Variants in VPS13A observed in about 807,000 individuals in gnomAD.
VPS13A encodes the protein vacuolar protein sorting 13 homolog A, also known as intermembrane lipid transfer protein VPS13A.
In VPS13A, 264 loss-of-function variants were observed where a neutral mutation model predicts 390.9. The ratio of observed to expected loss-of-function variants is 0.68; its 90% CI spans 0.61 to 0.75. VPS13A has a LOEUF of 0.75. Ranked by LOEUF, VPS13A falls within the 30% of genes least tolerant of loss-of-function variation. VPS13A has a pLI of 0.00. For missense variants in VPS13A, 3,409 were observed against 3,733.9 expected (o/e 0.91, Z 2.27); for synonymous variants, 1,231 against 1,227.1 (o/e 1.00, Z -0.07).
At chr9:77,412,829 T>A (rs1835000130) in intron 71 of VPS13A, among the ~76,000 whole-genome samples, 1 of 152,200 alleles carries the variant, frequency 6.6e-6, no homozygotes, top group African/African-American at 2.4e-5. Context: ...GCAGATGACA[T>A]GATTGTATAT....
At position 77,416,141 on chromosome 9, in the gene VPS13A, A is replaced by C; in HGVS notation, c.*135A>C. The C allele has an allele frequency of 9.6e-7, 1 of 1,038,550 alleles. No homozygotes were observed. The highest frequency in any genetic ancestry group is 1.4e-6 in the Non-Finnish European group (1 of 696,722). The allele number at this position is 1,038,550 out of a possible 1,614,324, so 64.3% of individuals were successfully genotyped here. ...TTCTGGATGCTAAAAAACAAAAACA[A>C]ACAAAAAAACAAAAACAAAAAAACA... On this transcript the variant is annotated 3_prime_UTR_variant, in exon 72 of 72. Transcript: ENST00000360280.
intron 19 of VPS13A, among the ~76,000 whole-genome samples, chr9:77,246,144 G>C (rs1197988035): frequency 2.0e-5 from 3 of 151,998 alleles, no homozygotes; most frequent in Admixed American, 6.6e-5. Context: ...GAGTTTTGGA[G>C]GGCTAAAATC....
intron 17 of VPS13A, among the ~76,000 whole-genome samples, chr9:77,236,594 T>A (rs552357572): frequency 5.9e-5 from 9 of 152,322 alleles, no homozygotes; most frequent in African/African-American, 2.2e-4. Context: ...ATAGCCTTAT[T>A]TGGAAATAGC....
At chr9:77,359,678 C>T (rs933991241) in intron 58 of VPS13A, among the ~76,000 whole-genome samples, 2 of 151,892 alleles carry the variant, frequency 1.3e-5, no homozygotes, top group African/African-American at 2.4e-5. Flanking sequence ...ATTAGCCAGG[C>T]GTGGTGGCAC....
At chr9:77,313,906 A>C in intron 35 of VPS13A, 86 bp from the exon 36 acceptor site, 5 of 1,382,606 alleles carry the variant, frequency 3.6e-6, no homozygotes, top group Non-Finnish European at 5.0e-6. Flanking sequence ...CCTGTTTAAT[A>C]ATTCTATTAA....
At chr9:77,295,055 T>G (rs1827899355) in intron 32 of VPS13A, among the ~76,000 whole-genome samples, 1 of 152,114 alleles carries the variant, frequency 6.6e-6, no homozygotes, top group Non-Finnish European at 1.5e-5. Flanking sequence ...TGTTAATTTT[T>G]TCTTTGAACA....
chr9:77,198,843 AGT>A (rs1271273440), intron 1 of VPS13A, among the ~76,000 whole-genome samples: 4 of 151,998 alleles, frequency 2.6e-5, no homozygotes, highest in Admixed American at 2.6e-4. Flanking sequence ...TTGTACTTTT[AGT>A]AGAGATGGGA....
intron 23 of VPS13A, among the ~76,000 whole-genome samples, chr9:77,268,105 A>G (rs562437288): frequency 2.4e-4 from 37 of 152,304 alleles, no homozygotes; most frequent in African/African-American, 8.9e-4. Flanking sequence ...GCTCCATGGG[A>G]GTGGGATCCG....
intron 71 of VPS13A, among the ~76,000 whole-genome samples, chr9:77,412,040 G>C (rs568047596): frequency 7.2e-5 from 11 of 152,194 alleles, no homozygotes; most frequent in East Asian, 5.8e-4. Context: ...CAAGACTAAA[G>C]CAGGAAGAAG....
intron 67 of VPS13A, 80 bp from the exon 68 acceptor site, chr9:77,381,896 T>C (rs1175277229): frequency 1.1e-6 from 1 of 883,486 alleles, no homozygotes; most frequent in Non-Finnish European, 1.8e-6. Flanking sequence ...AATAAGATTG[T>C]TTTTAGTAAT....
intron 54 of VPS13A, among the ~76,000 whole-genome samples, chr9:77,355,824 C>G (rs1333512709): frequency 6.6e-6 from 1 of 152,154 alleles, no homozygotes. Context: ...TCAAAGTGCA[C>G]ATAGATCTGA....
intron 23 of VPS13A, among the ~76,000 whole-genome samples, chr9:77,260,828 CT>C (rs1825718670): frequency 6.6e-6 from 1 of 151,936 alleles, no homozygotes; most frequent in Non-Finnish European, 1.5e-5. Context: ...GTGGCATATA[CT>C]AGTACACACA....
chr9:77,191,451 A>G (rs1010864536), intron 1 of VPS13A, among the ~76,000 whole-genome samples: 1 of 151,732 alleles, frequency 6.6e-6, no homozygotes, highest in Non-Finnish European at 1.5e-5. Flanking sequence ...GTGCACTCCT[A>G]CACCTGGCTA....
At chr9:77,409,402 C>G (rs990887114) in intron 71 of VPS13A, among the ~76,000 whole-genome samples, 1 of 152,174 alleles carries the variant, frequency 6.6e-6, no homozygotes, top group East Asian at 1.9e-4. Flanking sequence ...CTCTCCTCCT[C>G]CAAAGGAACG....
At chr9:77,264,788 T>C (rs1262818084) in intron 23 of VPS13A, among the ~76,000 whole-genome samples, 2 of 152,210 alleles carry the variant, frequency 1.3e-5, no homozygotes, top group Non-Finnish European at 2.9e-5. Flanking sequence ...TACCCTTTAT[T>C]TCTTTCTCTT....
intron 34 of VPS13A, among the ~76,000 whole-genome samples, chr9:77,305,078 A>G (rs1413629703): frequency 4.6e-5 from 7 of 152,026 alleles, no homozygotes; most frequent in African/African-American, 1.4e-4. Context: ...AGCTGGGACT[A>G]CAGGCATCCG....
At chr9:77,221,767 A>G (rs1002494640) in intron 13 of VPS13A, among the ~76,000 whole-genome samples, 1 of 152,070 alleles carries the variant, frequency 6.6e-6, no homozygotes, top group African/African-American at 2.4e-5. Context: ...TGTATATTTA[A>G]TGCTCATTCT....
intron 34 of VPS13A, 111 bp downstream of exon 34, chr9:77,303,173 A>T: frequency 8.8e-7 from 1 of 1,138,322 alleles, no homozygotes; most frequent in East Asian, 2.4e-5. Context: ...CACCTTGGTC[A>T]GAATTGAAAT....
intron 27 of VPS13A, among the ~76,000 whole-genome samples, chr9:77,280,550 T>C (rs112752096): frequency 2.0e-5 from 3 of 152,160 alleles, no homozygotes; most frequent in Non-Finnish European, 4.4e-5. Flanking sequence ...TTGTTTTATG[T>C]GATACAAGAT....
Sources: gnomAD v4.1 joint callset for allele counts (sites outside exome capture counted in the v4.1 genomes callset) on GRCh38, gnomAD v4.1.1 for gene constraint, MANE v1.5 for transcripts, NCBI Gene and HGNC (gene_info 2026-07-23, HGNC 2026-07-21) for gene names.